CCDC102B: variants seen among roughly 807,000 people sequenced by gnomAD.
The protein encoded by CCDC102B is coiled-coil domain-containing protein 102B.
CCDC102B carries 75 observed loss-of-function variants against 57.4 expected under a neutral mutation model. The ratio of observed to expected loss-of-function variants is 1.31; its 90% CI spans 1.08 to 1.58. The LOEUF (loss-of-function observed/expected upper bound fraction) is 1.58. CCDC102B is among the 40% of genes most tolerant of loss of function. The pLI, the probability that CCDC102B is intolerant of heterozygous loss-of-function variation, is 0.00. For missense variants in CCDC102B, 636 were observed against 582.6 expected, an observed-to-expected ratio of 1.09 and a Z score of -0.94; for synonymous variants, 206 against 201.9, an observed-to-expected ratio of 1.02 and a Z score of -0.17.
chr18:69,026,056 C>T (rs1041452120), intron 7 of CCDC102B, among the ~76,000 whole-genome samples: 29 of 152,120 alleles, frequency 1.9e-4, no homozygotes, highest in African/African-American at 6.8e-4. Context: ...ATGAAACCCT[C>T]CCTCAGTCAT....
At chr18:68,823,238 G>A (rs1383197028) in intron 1 of CCDC102B, 1 of 152,270 alleles carries the variant, frequency 6.6e-6, no homozygotes, top group Non-Finnish European at 1.5e-5. Context: ...AAACTTCAAA[G>A]AGCATTGCAA....
chr18:68,810,693 T>TGTTTG lies in CCDC102B; in HGVS notation c.-16+12512_-16+12513insGTTTG, dbSNP rs1231282327. The stretch of plus-strand genomic sequence containing the variant: ...TTTCTTTTCTTTGTTTTTTTTTTTT[T>TGTTTG]TTTTTTTTTTTTTTATGCTTTAAGT... On this transcript the variant is annotated intron_variant, in intron 1 of 7. Transcript: ENST00000360242. Among the ~76,000 whole-genome samples, 6 of 139,360 alleles carry TGTTTG rather than the reference T, an allele frequency of 4.3e-5. No homozygotes were observed. The East Asian group carries it at 6.0e-4, about 14-fold the overall frequency. The allele number at this position is 139,360 out of a possible 152,430, so 91.4% of individuals were successfully genotyped here.
intron 6 of CCDC102B, among the ~76,000 whole-genome samples, chr18:68,942,839 G>A (rs1159539897): frequency 4.1e-5 from 6 of 146,326 alleles, no homozygotes; most frequent in African/African-American, 1.2e-4. Context: ...GCTGGGGTAC[G>A]GTCAGGTCTT....
At position 68,854,636 on chromosome 18, in the gene CCDC102B, G is replaced by A. The variant is rs556481677; in HGVS notation, c.936+8215G>A. Among the ~76,000 whole-genome samples, 7 of 152,120 alleles carry A rather than the reference G, an allele frequency of 4.6e-5. No homozygotes were observed. The South Asian group carries it at 1.2e-3, about 27-fold the overall frequency. ...TAATACATGCCTCTTTGCTTATAGG[G>A]TGTAATCACCCTGAGGACAGAAACC... On this transcript the variant is annotated intron_variant, in intron 4 of 7. Coordinates refer to ENST00000360242, the MANE Select transcript of CCDC102B (RefSeq NM_024781.3).
At position 68,837,374 on chromosome 18, in the gene CCDC102B, G is replaced by A. The variant is rs1568278662; in HGVS notation, c.606+5G>A. ...AAGGAGGACACAAATAATAAGGTAA[G>A]AAAAAAATCCAGAGATGATGTGAAT... On this transcript the variant is annotated splice_donor_5th_base_variant and intron_variant, in intron 2 of 7. Coordinates refer to ENST00000360242, the MANE Select transcript of CCDC102B (RefSeq NM_024781.3). 4 of 1,593,988 alleles carry A rather than the reference G, an allele frequency of 2.5e-6. No individual in the cohort carries two copies. The highest frequency in any genetic ancestry group is 3.6e-5 in the Admixed American group (2 of 56,042).
At chr18:68,910,954 T>C (rs1212368298) in intron 6 of CCDC102B, among the ~76,000 whole-genome samples, 1 of 148,970 alleles carries the variant, frequency 6.7e-6, no homozygotes, top group African/African-American at 2.5e-5. Context: ...GGTGAGGTTG[T>C]GAAATAAAAG....
intron 6 of CCDC102B, among the ~76,000 whole-genome samples, chr18:68,994,044 C>T (rs1289616251): frequency 3.3e-5 from 5 of 152,026 alleles, no homozygotes; most frequent in African/African-American, 1.2e-4. Context: ...TTTAAATCAG[C>T]CTCTAGCCAC....
rs562754283 is a variant in CCDC102B, at chr18:68,972,077, T to C, written c.1264-38857T>C. Among the ~76,000 whole-genome samples, 7 of 152,250 alleles carry C rather than the reference T, an allele frequency of 4.6e-5. No homozygotes were observed. In the East Asian group the frequency reaches 1.3e-3, roughly 29 times the overall value. On this transcript the variant is annotated intron_variant, in intron 6 of 7. Transcript: ENST00000360242. ...TACAAAAAGAAAGTCACTAGAAATA[T>C]TAGAATAGTAGGCTGGAACATAGAC... is the stretch of plus-strand genomic sequence containing the variant.
At chr18:68,978,983 T>C (rs999027779) in intron 6 of CCDC102B, among the ~76,000 whole-genome samples, 3 of 152,030 alleles carry the variant, frequency 2.0e-5, no homozygotes, top group African/African-American at 7.2e-5. Context: ...TTATATACAG[T>C]GTTGTCTTAT....
intron 2 of CCDC102B, among the ~76,000 whole-genome samples, chr18:68,755,824 C>A (rs1004879153): frequency 6.6e-6 from 1 of 150,760 alleles, no homozygotes; most frequent in African/African-American, 2.4e-5. Context: ...TGTAGAAGAC[C>A]AATAAAATAA....
At chr18:68,755,363 T>C (rs1357833359) in intron 2 of CCDC102B, among the ~76,000 whole-genome samples, 3 of 152,150 alleles carry the variant, frequency 2.0e-5, no homozygotes, top group East Asian at 1.9e-4. Context: ...CTGTGGCTGA[T>C]GTGGGCAGGC....
chr18:68,781,589 T>C (rs1284036430), intron 2 of CCDC102B, among the ~76,000 whole-genome samples: 1 of 152,174 alleles, frequency 6.6e-6, no homozygotes, highest in African/African-American at 2.4e-5. Context: ...GTGTAATATA[T>C]AGTTTAACTC....
chr18:68,961,239 A>T (rs1022389556), intron 6 of CCDC102B, among the ~76,000 whole-genome samples: 1 of 152,088 alleles, frequency 6.6e-6, no homozygotes, highest in Admixed American at 6.5e-5. Context: ...TTGATTCCCT[A>T]TCAATCACAT....
chr18:68,833,880 G>A (rs1161148932), intron 1 of CCDC102B, among the ~76,000 whole-genome samples: 1 of 152,002 alleles, frequency 6.6e-6, no homozygotes, highest in Non-Finnish European at 1.5e-5. Context: ...TGCAAAAATC[G>A]GTACAAGAAA....
intron 6 of CCDC102B, among the ~76,000 whole-genome samples, chr18:68,946,469 T>C (rs2145184409): frequency 6.6e-6 from 1 of 152,172 alleles, no homozygotes; most frequent in East Asian, 1.9e-4. Context: ...CCAAATGATT[T>C]GGTCATTATT....
At chr18:68,804,298 A>G (rs1225030895) in intron 1 of CCDC102B, among the ~76,000 whole-genome samples, 1 of 148,656 alleles carries the variant, frequency 6.7e-6, no homozygotes, top group African/African-American at 2.5e-5. Context: ...GGGGAGTTCA[A>G]GTGTTTGTTT....
chr18:68,765,370 AAAGAAAGAAAAG>A (rs1568239012), intron 2 of CCDC102B, among the ~76,000 whole-genome samples: 3 of 146,978 alleles, frequency 2.0e-5, no homozygotes, highest in East Asian at 2.0e-4. Flanking sequence ...AGAAAGAAAG[AAAGAAAGAAAAG>A]AAAGAAAGAA....
intron 2 of CCDC102B, among the ~76,000 whole-genome samples, chr18:68,767,328 A>C (rs1202855238): frequency 6.6e-6 from 1 of 152,214 alleles, no homozygotes; most frequent in Non-Finnish European, 1.5e-5. Context: ...TAACGAGGTT[A>C]GTGCCATTTT....
intron 1 of CCDC102B, among the ~76,000 whole-genome samples, chr18:68,808,017 T>C (rs1446436360): frequency 6.6e-6 from 1 of 152,160 alleles, no homozygotes. Flanking sequence ...AACTTTTTTT[T>C]CTTAAGATTC....
Sources: allele counts gnomAD v4.1 joint callset (sites outside exome capture counted in the v4.1 genomes callset), GRCh38; gene constraint gnomAD v4.1.1; transcripts MANE v1.5; gene names NCBI Gene and HGNC (gene_info 2026-07-23, HGNC 2026-07-21).